UQCC6: variants seen among roughly 807,000 people sequenced by gnomAD.
The protein encoded by UQCC6 is ubiquinol-cytochrome c reductase complex assembly factor 6, also known as protein BRAWNIN.
the UQCC6 span, among the ~76,000 whole-genome samples, chr12:103,962,689 T>C: frequency 6.6e-6 from 1 of 152,252 alleles, no homozygotes; most frequent in African/African-American, 2.4e-5. Flanking sequence ...TTCTGCACAC[T>C]CAGCCCCTTG....
the UQCC6 span, among the ~76,000 whole-genome samples, chr12:103,963,933 G>C: frequency 6.6e-6 from 1 of 151,660 alleles, no homozygotes; most frequent in African/African-American, 2.4e-5. Context: ...TCTTCAGGAA[G>C]TTTACAAGGA....
At chr12:103,961,296 T>A in the UQCC6 span, among the ~76,000 whole-genome samples, 7 of 152,164 alleles carry the variant, frequency 4.6e-5, no homozygotes, top group Non-Finnish European at 1.0e-4. Flanking sequence ...GTCAAAAGTT[T>A]AAAAAATTAA....
chr12:103,954,101 A>G, the UQCC6 span, among the ~76,000 whole-genome samples: 1 of 152,254 alleles, frequency 6.6e-6, no homozygotes, highest in Non-Finnish European at 1.5e-5. Flanking sequence ...TGATCAAATA[A>G]TATGTCACAG....
chr12:103,961,494 T>C, the UQCC6 span, among the ~76,000 whole-genome samples: 1 of 152,148 alleles, frequency 6.6e-6, no homozygotes, highest in Non-Finnish European at 1.5e-5. Context: ...ACTCCATTCA[T>C]GGTAAGTGCC....
chr12:103,959,801 C>CTTTT, the UQCC6 span, among the ~76,000 whole-genome samples: 1 of 103,564 alleles, frequency 9.7e-6, no homozygotes, highest in African/African-American at 3.5e-5. Flanking sequence ...TTTATTTTTA[C>CTTTT]TTTTTTTTTT....
chr12:103,953,637 C>A, the UQCC6 span: 3 of 693,592 alleles, frequency 4.3e-6, no homozygotes, highest in Non-Finnish European at 7.9e-6. Context: ...ACACTGCTTT[C>A]AACACACAGC....
At chr12:103,951,486 T>C in the UQCC6 span, 31 of 1,178,426 alleles carry the variant, frequency 2.6e-5, no homozygotes, top group African/African-American at 1.7e-4. Context: ...GAAATACATA[T>C]TTAAGACTTA....
At chr12:103,952,021 T>C in the UQCC6 span, among the ~76,000 whole-genome samples, 1 of 152,210 alleles carries the variant, frequency 6.6e-6, no homozygotes. Flanking sequence ...TTCAAAAATA[T>C]TAAGTGCCTA....
At chr12:103,954,730 G>A in the UQCC6 span, 1 of 514,128 alleles carries the variant, frequency 1.9e-6, no homozygotes, top group Non-Finnish European at 3.4e-6. Flanking sequence ...ACAAGAAACA[G>A]TAGTTAACGT....
At chr12:103,955,001 G>A in the UQCC6 span, 1 of 699,934 alleles carries the variant, frequency 1.4e-6, no homozygotes, top group Non-Finnish European at 2.6e-6. Flanking sequence ...CAAAATTGTA[G>A]TGACAATTAA....
chr12:103,963,893 GTTTTT>G, the UQCC6 span, among the ~76,000 whole-genome samples: 1 of 144,620 alleles, frequency 6.9e-6, no homozygotes, highest in Non-Finnish European at 1.5e-5. Flanking sequence ...AAGACAAATT[GTTTTT>G]TTTTTTATAG....
the UQCC6 span, chr12:103,956,670 T>G: frequency 2.6e-6 from 4 of 1,551,630 alleles, no homozygotes; most frequent in African/African-American, 5.5e-5. Context: ...CTTCTGCCCC[T>G]GCGCACATGG....
At chr12:103,958,201 G>A in the UQCC6 span, among the ~76,000 whole-genome samples, 1 of 146,362 alleles carries the variant, frequency 6.8e-6, no homozygotes. Context: ...GGGCAACAGA[G>A]CAAGACTCCG....
chr12:103,959,715 A>AAAT, the UQCC6 span, among the ~76,000 whole-genome samples: 1 of 152,086 alleles, frequency 6.6e-6, no homozygotes, highest in Non-Finnish European at 1.5e-5. Context: ...CCGTCTCAAA[A>AAAT]AATAATAATA....
chr12:103,963,571 C>T, the UQCC6 span, among the ~76,000 whole-genome samples: 1 of 152,196 alleles, frequency 6.6e-6, no homozygotes, highest in Non-Finnish European at 1.5e-5. Context: ...AATATTTGGT[C>T]TTCTGATCCA....
chr12:103,964,419 C>T, the UQCC6 span, among the ~76,000 whole-genome samples: 2 of 152,052 alleles, frequency 1.3e-5, no homozygotes, highest in Non-Finnish European at 2.9e-5. Flanking sequence ...CGCCCGGCCT[C>T]CTCACGTTAA....
chr12:103,961,470 AAGG>A, the UQCC6 span, among the ~76,000 whole-genome samples: 1 of 152,196 alleles, frequency 6.6e-6, no homozygotes, highest in African/African-American at 2.4e-5. Flanking sequence ...CCAGAGCAAC[AAGG>A]AGTTCTGCAA....
chr12:103,957,819 G>A, the UQCC6 span, among the ~76,000 whole-genome samples: 1 of 151,182 alleles, frequency 6.6e-6, no homozygotes, highest in Non-Finnish European at 1.5e-5. Context: ...AAGGCGGGCG[G>A]ATCACTTGAG....
At chr12:103,961,837 G>C in the UQCC6 span, among the ~76,000 whole-genome samples, 5 of 152,186 alleles carry the variant, frequency 3.3e-5, no homozygotes, top group African/African-American at 1.2e-4. Context: ...TGGGATTACA[G>C]GCGTGAGCCA....
Sources: gnomAD v4.1 joint callset for allele counts (sites outside exome capture counted in the v4.1 genomes callset) on GRCh38, gnomAD v4.1.1 for gene constraint, MANE v1.5 for transcripts, NCBI Gene and HGNC (gene_info 2026-07-23, HGNC 2026-07-21) for gene names.